SPOCK1: variants seen among roughly 807,000 people sequenced by gnomAD.
SPOCK1 encodes testican-1.
SPOCK1 carries 23 observed loss-of-function variants against 55.3 expected under a neutral mutation model. The ratio of observed to expected loss-of-function variants is 0.42; its 90% confidence interval spans 0.30 to 0.59. SPOCK1 has a LOEUF of 0.59. SPOCK1 is among the 20% of genes least tolerant of loss of function. The pLI is 0.22. For missense variants in SPOCK1, 499 were observed against 552.5 expected (o/e 0.90, Z 0.97); for synonymous variants, 226 against 221.0 (o/e 1.02, Z -0.20).
At chr5:137,039,752 C>A (rs143022236) in intron 6 of SPOCK1, among the ~76,000 whole-genome samples, 127 of 152,340 alleles carry the variant, frequency 8.3e-4, no homozygotes, top group Middle Eastern at 3.4e-3. Flanking sequence ...TAAGCCACCA[C>A]ATTGGGCAGG....
intron 2 of SPOCK1, among the ~76,000 whole-genome samples, chr5:137,465,581 C>A (rs1438009130): frequency 6.6e-6 from 1 of 151,936 alleles, no homozygotes; most frequent in Non-Finnish European, 1.5e-5. Context: ...AATACAAAGT[C>A]TGATCTGAAG....
At chr5:137,066,961 C>T (rs578095781) in intron 6 of SPOCK1, among the ~76,000 whole-genome samples, 69 of 90,618 alleles carry the variant, frequency 7.6e-4, no homozygotes, top group African/African-American at 2.0e-3. Flanking sequence ...AAAACATAAG[C>T]ATACACACAC....
intron 3 of SPOCK1, among the ~76,000 whole-genome samples, chr5:137,143,294 G>T (rs1754133985): frequency 6.6e-6 from 1 of 152,160 alleles, no homozygotes; most frequent in Admixed American, 6.5e-5. Flanking sequence ...AAGCTTTGTG[G>T]CAGAATTTGA....
At chr5:137,244,407 G>T (rs960377495) in intron 3 of SPOCK1, among the ~76,000 whole-genome samples, 1 of 152,058 alleles carries the variant, frequency 6.6e-6, no homozygotes, top group East Asian at 1.9e-4. Context: ...TATTTAGGAA[G>T]AAAACACATA....
intron 6 of SPOCK1, among the ~76,000 whole-genome samples, chr5:137,041,504 A>G (rs182006889): frequency 1.3e-5 from 2 of 152,318 alleles, no homozygotes; most frequent in East Asian, 1.9e-4. Flanking sequence ...TCTGTGAATG[A>G]CACTGTTAAG....
intron 2 of SPOCK1, among the ~76,000 whole-genome samples, chr5:137,305,018 C>T (rs1346137883): frequency 6.6e-6 from 1 of 152,224 alleles, no homozygotes; most frequent in Non-Finnish European, 1.5e-5. Context: ...CACATTCCCT[C>T]TGAAAGCTGT....
chr5:137,426,480 T>C (rs1051701449), intron 2 of SPOCK1, among the ~76,000 whole-genome samples: 3 of 152,132 alleles, frequency 2.0e-5, no homozygotes, highest in Non-Finnish European at 4.4e-5. Flanking sequence ...CTTTGACAAA[T>C]TACCTGAAGC....
At chr5:137,319,723 A>G (rs527359897) in intron 2 of SPOCK1, among the ~76,000 whole-genome samples, 1 of 152,052 alleles carries the variant, frequency 6.6e-6, no homozygotes, top group South Asian at 2.1e-4. Context: ...AGGCGGGTGG[A>G]TCATGAGGTC....
intron 2 of SPOCK1, among the ~76,000 whole-genome samples, chr5:137,449,457 T>A (rs190728138): frequency 4.6e-5 from 7 of 152,358 alleles, no homozygotes; most frequent in African/African-American, 1.7e-4. Flanking sequence ...TCTGATTGTC[T>A]GTGTTTCCAT....
Position 137,316,336 on chromosome 5 carries a change from C to G in SPOCK1, c.187-49281G>C, listed in dbSNP as rs529442316. Among the ~76,000 whole-genome samples the G allele has an allele frequency of 2.0e-5, 3 of 152,224 alleles. No individual in the cohort carries two copies. The South Asian group carries it at 6.2e-4, about 32-fold the overall frequency. On this transcript the variant is annotated intron_variant, in intron 2 of 10. Coordinates refer to ENST00000394945, the MANE Select transcript of SPOCK1 (RefSeq NM_004598.4). The stretch of plus-strand genomic sequence containing the variant: ...TTTGGGAAGTGATGCATTCAAATCA[C>G]AGCGGCTAGCTAGAAAAAATCCTTT...
At chr5:137,034,807 G>A (rs1439512794) in intron 6 of SPOCK1, among the ~76,000 whole-genome samples, 1 of 152,250 alleles carries the variant, frequency 6.6e-6, no homozygotes, top group Non-Finnish European at 1.5e-5. Flanking sequence ...GCACTAGGAT[G>A]TGGCACTGGG....
intron 6 of SPOCK1, among the ~76,000 whole-genome samples, chr5:137,059,110 T>TATAGAGTTGCAGTTA: frequency 1.1e-5 from 1 of 91,360 alleles, no homozygotes; most frequent in Non-Finnish European, 2.6e-5. Flanking sequence ...ATTAGGAAGC[T>TATAGAGTTGCAGTTA]ATTATAATAC....
intron 9 of SPOCK1, among the ~76,000 whole-genome samples, chr5:136,980,476 G>A (rs934924308): frequency 6.6e-6 from 1 of 152,180 alleles, no homozygotes; most frequent in African/African-American, 2.4e-5. Context: ...TTGTGGGAGG[G>A]ACCCTGTGGG....
intron 9 of SPOCK1, among the ~76,000 whole-genome samples, 153 bp downstream of exon 9, chr5:136,984,987 A>C (rs1750810907): frequency 6.6e-6 from 1 of 152,200 alleles, no homozygotes; most frequent in African/African-American, 2.4e-5. Context: ...GTTTATGTCC[A>C]GCTGCCTGGA....
chr5:137,179,128 A>G (rs1754917632), intron 3 of SPOCK1, among the ~76,000 whole-genome samples: 1 of 152,178 alleles, frequency 6.6e-6, no homozygotes, highest in Non-Finnish European at 1.5e-5. Flanking sequence ...TTTATTACAA[A>G]AATAGGACTG....
At chr5:137,374,513 A>C (rs1481568797) in intron 2 of SPOCK1, among the ~76,000 whole-genome samples, 2 of 152,214 alleles carry the variant, frequency 1.3e-5, no homozygotes, top group Non-Finnish European at 2.9e-5. Context: ...GGAGGGCCTC[A>C]GAGGCACTCC....
chr5:137,340,204 G>C (rs1401068771), intron 2 of SPOCK1, among the ~76,000 whole-genome samples: 1 of 152,206 alleles, frequency 6.6e-6, no homozygotes, highest in African/African-American at 2.4e-5. Context: ...TTTCAAGAAA[G>C]GGGAACTGGA....
In SPOCK1 at chr5:137,269,489, G is replaced by A. The variant is rs964283014; in HGVS notation, c.187-2434C>T. ...TCCAGGCACCAGAGCCCACTTGGGG[G>A]ATGGTCACTGAGCATGGGGGAGGGG... On this transcript the variant is annotated intron_variant, in intron 2 of 10. Transcript: ENST00000394945. 2.6e-5 allele frequency among the ~76,000 whole-genome samples: 4 copies of A among 152,178 alleles called. No individual in the cohort carries two copies. The East Asian group carries it at 5.8e-4, about 22-fold the overall frequency.
intron 2 of SPOCK1, among the ~76,000 whole-genome samples, chr5:137,374,024 T>G (rs1751259912): frequency 6.6e-6 from 1 of 152,226 alleles, no homozygotes; most frequent in Admixed American, 6.5e-5. Flanking sequence ...AGATGCCCAG[T>G]GGGCAGATCA....
Sources: allele counts gnomAD v4.1 joint callset (sites outside exome capture counted in the v4.1 genomes callset), GRCh38; gene constraint gnomAD v4.1.1; transcripts MANE v1.5; gene names NCBI Gene and HGNC (gene_info 2026-07-23, HGNC 2026-07-21).